Variants in EMB observed in about 807,000 individuals in gnomAD.
The protein encoded by EMB is embigin homolog.
In EMB, 31 loss-of-function variants were observed where a neutral mutation model predicts 41.4. The ratio of observed to expected loss-of-function variants is 0.75; its 90% CI spans 0.56 to 1.01. The LOEUF (loss-of-function observed/expected upper bound fraction) is 1.01, where lower values mean the gene tolerates loss of function less well. Among genes scored for constraint, EMB ranks in the 50% least tolerant of loss-of-function variants. The pLI is 0.00. For synonymous variants in EMB, 137 were observed against 140.4 expected (o/e 0.98, Z 0.17); for missense variants, 379 against 388.3 (o/e 0.98, Z 0.20).
chr5:50,418,257 T>C (rs1228722021), intron 2 of EMB, among the ~76,000 whole-genome samples: 2 of 152,266 alleles, frequency 1.3e-5, no homozygotes, highest in African/African-American at 4.8e-5. Flanking sequence ...TTGCCACTGT[T>C]TCCAAATAAT....
At chr5:50,439,978 AAAGT>A (rs1239089629) in intron 1 of EMB, among the ~76,000 whole-genome samples, 1 of 152,196 alleles carries the variant, frequency 6.6e-6, no homozygotes, top group Non-Finnish European at 1.5e-5. Flanking sequence ...TTCAATATGA[AAAGT>A]AATTATAAAC....
chr5:50,434,230 G>A (rs1349493693), intron 1 of EMB, among the ~76,000 whole-genome samples: 4 of 152,140 alleles, frequency 2.6e-5, no homozygotes, highest in East Asian at 3.8e-4. Flanking sequence ...AGCTTGCCAC[G>A]ACAAAGAATT....
At chr5:50,428,410 A>T (rs1487282224) in intron 1 of EMB, 183 bp from the exon 2 acceptor site, 378 of 1,216,068 alleles carry the variant, frequency 3.1e-4, no homozygotes, top group South Asian at 4.5e-4. Flanking sequence ...AATGTGAAAA[A>T]AATTCTGATT....
At chr5:50,442,966 AT>A (rs769291057), upstream of EMB, 3 of 152,196 alleles carry the variant, frequency 2.0e-5, no homozygotes, top group Non-Finnish European at 4.4e-5. Context: ...GTTGATGCTG[AT>A]CCCCACTGTT....
In EMB at chr5:50,416,184, C is replaced by G. The variant is rs186680765; in HGVS notation, c.197-4801G>C. On this transcript the variant is annotated intron_variant, in intron 2 of 8. Transcript: ENST00000303221. Reference sequence around the variant, plus strand: ...AACAAACTAATGTGAGCTCAGTCAACGATGTTTCAACTTCCTTAATACTGC... The same window carrying G: ...AACAAACTAATGTGAGCTCAGTCAAGGATGTTTCAACTTCCTTAATACTGC... 3.1e-4 allele frequency among the ~76,000 whole-genome samples: 47 copies of G among 152,302 alleles called. 1 individual carries two copies. The East Asian group carries it at 6.7e-3, about 22-fold the overall frequency.
intron 7 of EMB, among the ~76,000 whole-genome samples, chr5:50,401,032 G>A (rs935539812): frequency 1.3e-5 from 2 of 151,904 alleles, no homozygotes; most frequent in Non-Finnish European, 2.9e-5. Flanking sequence ...ATGATGCTAA[G>A]AACAAGAAAA....
At chr5:50,430,891 C>A (rs1473263511) in intron 1 of EMB, among the ~76,000 whole-genome samples, 5 of 151,932 alleles carry the variant, frequency 3.3e-5, no homozygotes, top group Non-Finnish European at 4.4e-5. Flanking sequence ...TGTGTTAGAA[C>A]AAGGAGAGAA....
rs1276002017 is a variant in EMB at position 50,405,814 on chromosome 5, A to G, written c.511T>C (p.Tyr171His). ...GTCAAGACAGTAGAATCCCCTACGT[A>G]AGAGATCAATGGCTTGTTTTTCCCA... ...LHGKNKPLIS[Y>H]VGDSTVLTCK... The change falls in exon 5 of 9, where the codon TAC becomes CAC. Residue 171 changes from tyrosine to histidine, a missense_variant. Tyr to His is a moderately conservative substitution (Grantham distance 83). Coordinates refer to ENST00000303221, the MANE Select transcript of EMB (RefSeq NM_198449.3). 1.3e-6 allele frequency: 2 copies of G among 1,592,810 alleles called. No individual in the cohort carries two copies. Among genetic ancestry groups the G allele is most frequent in the Non-Finnish European group, 1.7e-6 (2 of 1,172,820 alleles).
intron 2 of EMB, among the ~76,000 whole-genome samples, chr5:50,423,940 G>A (rs1163467113): frequency 1.3e-5 from 2 of 152,192 alleles, no homozygotes; most frequent in Non-Finnish European, 2.9e-5. Flanking sequence ...TTGTCATCTT[G>A]TGCTGTCGGC....
At chr5:50,442,051 A>G (rs1314440313), upstream of EMB, among the ~76,000 whole-genome samples, 1 of 152,192 alleles carries the variant, frequency 6.6e-6, no homozygotes, top group East Asian at 1.9e-4. Context: ...GGAGAAATCT[A>G]TATTGTAACA....
intron 1 of EMB, among the ~76,000 whole-genome samples, chr5:50,437,254 G>C (rs1180786819): frequency 2.0e-5 from 3 of 152,134 alleles, no homozygotes; most frequent in African/African-American, 7.2e-5. Flanking sequence ...CTGAGTGACA[G>C]AGTGAGACCC....
chr5:50,406,680 CAACT>C (rs1745254662), intron 4 of EMB, among the ~76,000 whole-genome samples: 1 of 151,872 alleles, frequency 6.6e-6, no homozygotes. Context: ...GTAGACTCAT[CAACT>C]AAGATTATTT....
chr5:50,438,753 A>C (rs1219504813), intron 1 of EMB, among the ~76,000 whole-genome samples: 1 of 152,076 alleles, frequency 6.6e-6, no homozygotes, highest in Non-Finnish European at 1.5e-5. Context: ...TGCTAACTTC[A>C]TAACTTTTGT....
intron 6 of EMB, among the ~76,000 whole-genome samples, chr5:50,402,876 C>CAAAAAAAA (rs564451334): frequency 3.7e-5 from 2 of 54,648 alleles, no homozygotes; most frequent in African/African-American, 6.3e-5. Context: ...CCAGTAGCAC[C>CAAAAAAAA]AAAAAAAAAA....
chr5:50,413,299 T>C (rs762117999), intron 2 of EMB, among the ~76,000 whole-genome samples: 1 of 152,164 alleles, frequency 6.6e-6, no homozygotes, highest in Non-Finnish European at 1.5e-5. Flanking sequence ...CCCTAGTGAA[T>C]CATGGATCTA....
chr5:50,432,692 C>A (rs573633524), intron 1 of EMB, among the ~76,000 whole-genome samples: 2 of 147,444 alleles, frequency 1.4e-5, no homozygotes, highest in South Asian at 4.3e-4. Flanking sequence ...AATAAGGCAT[C>A]TCTGAGTCCT....
intron 4 of EMB, among the ~76,000 whole-genome samples, chr5:50,407,947 T>C (rs1371487534): frequency 6.6e-6 from 1 of 151,970 alleles, no homozygotes. Context: ...TAGAACAAAT[T>C]GGCCTAAATG....
intron 2 of EMB, among the ~76,000 whole-genome samples, chr5:50,416,807 C>A (rs533650839): frequency 6.6e-6 from 1 of 152,264 alleles, no homozygotes; most frequent in South Asian, 2.1e-4. Flanking sequence ...ACACACCCAC[C>A]AGCACCATGA....
chr5:50,433,362 G>T (rs1745755429), intron 1 of EMB, among the ~76,000 whole-genome samples: 1 of 152,026 alleles, frequency 6.6e-6, no homozygotes, highest in South Asian at 2.1e-4. Flanking sequence ...TATAATTTTG[G>T]CAATAATATA....
Sources: gnomAD v4.1 joint callset for allele counts (sites outside exome capture counted in the v4.1 genomes callset) on GRCh38, gnomAD v4.1.1 for gene constraint, MANE v1.5 for transcripts, NCBI Gene and HGNC (gene_info 2026-07-23, HGNC 2026-07-21) for gene names.